The following BABAM2 variants were observed in gnomAD, a reference collection of about 807,000 sequenced individuals.
BABAM2 encodes BRISC and BRCA1-A complex member 2.
Under a neutral mutation model 54.7 loss-of-function variants are expected in BABAM2, and 31 were observed. The ratio of observed to expected loss-of-function variants is 0.57; its 90% CI spans 0.43 to 0.77. The LOEUF (loss-of-function observed/expected upper bound fraction) is 0.77. Ranked by LOEUF, BABAM2 falls within the 30% of genes least tolerant of loss-of-function variation. BABAM2 has a pLI of 0.00. For missense variants in BABAM2, 364 were observed against 455.8 expected (o/e 0.80, Z 1.83); for synonymous variants, 167 against 162.9 (o/e 1.03, Z -0.19).
At chr2:27,907,719 G>C (rs1031788752) in intron 2 of BABAM2, among the ~76,000 whole-genome samples, 1 of 152,008 alleles carries the variant, frequency 6.6e-6, no homozygotes, top group African/African-American at 2.4e-5. Flanking sequence ...CACCATTCTG[G>C]TATCTGTCTC....
At chr2:28,251,644 C>T (rs1398819675) in intron 10 of BABAM2, among the ~76,000 whole-genome samples, 1 of 152,242 alleles carries the variant, frequency 6.6e-6, no homozygotes, top group East Asian at 1.9e-4. Flanking sequence ...CTACATAAAT[C>T]GGTAAAACCA....
intron 2 of BABAM2, among the ~76,000 whole-genome samples, chr2:27,895,691 C>T (rs1665240510): frequency 6.6e-6 from 1 of 152,112 alleles, no homozygotes; most frequent in African/African-American, 2.4e-5. Flanking sequence ...TCTCATCATC[C>T]TTTTGTCCAT....
intron 6 of BABAM2, among the ~76,000 whole-genome samples, chr2:28,091,498 G>A (rs912928358): frequency 6.6e-6 from 1 of 152,132 alleles, no homozygotes; most frequent in Non-Finnish European, 1.5e-5. Flanking sequence ...CTATTCATCC[G>A]TCTTTAAAAT....
chr2:27,908,963 G>A (rs1666387405), intron 2 of BABAM2, among the ~76,000 whole-genome samples: 1 of 152,026 alleles, frequency 6.6e-6, no homozygotes, highest in African/African-American at 2.4e-5. Flanking sequence ...ATCCTAATGG[G>A]TGTGTAGTGG....
intron 7 of BABAM2, among the ~76,000 whole-genome samples, chr2:28,227,564 C>G (rs1426935680): frequency 6.6e-6 from 1 of 152,120 alleles, no homozygotes; most frequent in Non-Finnish European, 1.5e-5. Context: ...CACCTTTTTT[C>G]TGGTAGTTTC....
intron 7 of BABAM2, among the ~76,000 whole-genome samples, chr2:28,150,505 A>G (rs1243713093): frequency 6.6e-6 from 1 of 152,242 alleles, no homozygotes; most frequent in Non-Finnish European, 1.5e-5. Context: ...CTGTTGACAC[A>G]TGTTCTGATA....
At chr2:28,324,978 A>G (rs1001163582) in intron 11 of BABAM2, among the ~76,000 whole-genome samples, 6 of 152,152 alleles carry the variant, frequency 3.9e-5, no homozygotes, top group Non-Finnish European at 7.3e-5. Flanking sequence ...CCCTTTCCTT[A>G]TACTCATGGC....
intron 7 of BABAM2, among the ~76,000 whole-genome samples, chr2:28,152,227 G>T (rs571215179): frequency 6.6e-6 from 1 of 152,146 alleles, no homozygotes; most frequent in Admixed American, 6.5e-5. Context: ...AGAGCCATGT[G>T]CCTCTAAGAG....
chr2:27,995,233 G>T lies in BABAM2; in HGVS notation c.300+7146G>T, dbSNP rs368665106. 2.6e-5 allele frequency among the ~76,000 whole-genome samples: 4 copies of T among 152,136 alleles called. No homozygotes were observed. The highest frequency in any genetic ancestry group is 7.2e-5 in the African/African-American group (3 of 41,424). ...AGAGCTGGCAAAGTGGAAATGGGCT[G>T]GTTTCAGTGAAACAGGCTGGAGGAT... On this transcript the variant is annotated intron_variant, in intron 4 of 11. Coordinates refer to ENST00000379624, the MANE Select transcript of BABAM2 (RefSeq NM_199191.3). The surrounding 1 kb of genome is among the most constrained non-coding windows in gnomAD (Gnocchi z 4.1).
intron 6 of BABAM2, among the ~76,000 whole-genome samples, chr2:28,094,845 CAG>C (rs1666460781): frequency 6.6e-6 from 1 of 151,186 alleles, no homozygotes. Flanking sequence ...CTCTGCATCT[CAG>C]TGTTTTTACT....
intron 6 of BABAM2, among the ~76,000 whole-genome samples, chr2:28,078,742 C>A (rs1405632811): frequency 1.3e-5 from 2 of 152,122 alleles, no homozygotes; most frequent in African/African-American, 4.8e-5. Context: ...TTGGAATTGC[C>A]TTTCAGACAT....
intron 7 of BABAM2, among the ~76,000 whole-genome samples, chr2:28,149,637 A>G (rs1439595060): frequency 1.3e-5 from 2 of 151,800 alleles, no homozygotes; most frequent in Non-Finnish European, 2.9e-5. Context: ...CGCTCTTTCC[A>G]CCGTATCACT....
At chr2:28,106,878 G>T (rs1358077602) in intron 6 of BABAM2, among the ~76,000 whole-genome samples, 1 of 152,036 alleles carries the variant, frequency 6.6e-6, no homozygotes, top group African/African-American at 2.4e-5. Flanking sequence ...TCATTATTTT[G>T]ATGCTCAATA....
intron 6 of BABAM2, 133 bp from the exon 7 acceptor site, chr2:28,129,138 G>A (rs1414057673): frequency 3.8e-6 from 3 of 798,374 alleles, no homozygotes; most frequent in Non-Finnish European, 6.3e-6. Flanking sequence ...GAAAGGATGT[G>A]CAAAGCAGCT....
intron 5 of BABAM2, among the ~76,000 whole-genome samples, chr2:28,040,342 C>T (rs1202030394): frequency 1.7e-5 from 2 of 115,044 alleles, no homozygotes; most frequent in African/African-American, 6.6e-5. Context: ...GCTCTGTCGC[C>T]CAGGCTGGAG....
intron 10 of BABAM2, among the ~76,000 whole-genome samples, chr2:28,273,675 T>C (rs1049637527): frequency 2.0e-5 from 3 of 152,034 alleles, no homozygotes; most frequent in African/African-American, 7.2e-5. Context: ...GCCGAGATTA[T>C]ACCACTGCAC....
At chr2:28,130,393 C>CT (rs751115813) in intron 7 of BABAM2, among the ~76,000 whole-genome samples, 1 of 152,172 alleles carries the variant, frequency 6.6e-6, no homozygotes, top group Non-Finnish European at 1.5e-5. Context: ...ATTCTCTTGT[C>CT]TTTTTATATA....
chr2:27,999,154 T>A (rs377448705), intron 4 of BABAM2, among the ~76,000 whole-genome samples: 1 of 152,192 alleles, frequency 6.6e-6, no homozygotes, highest in African/African-American at 2.4e-5. Flanking sequence ...TAACATCTAT[T>A]TGTGGTACCA....
chr2:27,981,372 C>A (rs188586363), intron 3 of BABAM2, among the ~76,000 whole-genome samples: 1 of 151,916 alleles, frequency 6.6e-6, no homozygotes, highest in Non-Finnish European at 1.5e-5. Context: ...AATTACATAC[C>A]GTGCAGTTTA....
Sources: allele counts gnomAD v4.1 joint callset (sites outside exome capture counted in the v4.1 genomes callset), GRCh38; gene constraint gnomAD v4.1.1; non-coding constraint Gnocchi (gnomAD v3.1); transcripts MANE v1.5; gene names NCBI Gene and HGNC (gene_info 2026-07-23, HGNC 2026-07-21).